MAPK9: variants seen among roughly 807,000 people sequenced by gnomAD.
MAPK9 encodes the protein mitogen-activated protein kinase 9, also known as Jun kinase.
Under a neutral mutation model 57.1 loss-of-function variants are expected in MAPK9, and 30 were observed. The observed-to-expected ratio is 0.53, with a 90% CI of 0.39 to 0.71. The LOEUF is 0.71. Among genes scored for constraint, MAPK9 ranks in the 30% least tolerant of loss-of-function variants. The pLI, the probability that MAPK9 is intolerant of heterozygous loss-of-function variation, is 0.00. For synonymous variants in MAPK9, 155 were observed against 177.0 expected (o/e 0.88, Z 0.99); for missense variants, 362 against 521.0 (o/e 0.69, Z 2.97).
intron 4 of MAPK9, among the ~76,000 whole-genome samples, chr5:180,263,793 C>T (rs1760240895): frequency 6.6e-6 from 1 of 151,332 alleles, no homozygotes; most frequent in Non-Finnish European, 1.5e-5. Flanking sequence ...GCAAGCTCCA[C>T]CTCCCGGGTT....
chr5:180,239,573 C>T (rs1757480758), intron 10 of MAPK9, among the ~76,000 whole-genome samples: 2 of 152,250 alleles, frequency 1.3e-5, no homozygotes, highest in Non-Finnish European at 2.9e-5. Context: ...TCTGCAATTT[C>T]CCCCAAACTA....
At chr5:180,236,563 C>T in intron 11 of MAPK9, 37 bp from the exon 12 acceptor site, 2 of 1,597,180 alleles carry the variant, frequency 1.3e-6, no homozygotes, top group Non-Finnish European at 1.7e-6. Flanking sequence ...AAATCTGAGG[C>T]ACGACATTGC....
At chr5:180,276,273 C>T (rs957974036) in intron 2 of MAPK9, among the ~76,000 whole-genome samples, 2 of 152,178 alleles carry the variant, frequency 1.3e-5, no homozygotes, top group African/African-American at 4.8e-5. Context: ...AAAAGGAACA[C>T]GCTATACCAA....
chr5:180,282,106 A>G (rs1193746403), intron 1 of MAPK9, among the ~76,000 whole-genome samples: 2 of 152,166 alleles, frequency 1.3e-5, no homozygotes, highest in East Asian at 3.8e-4. Context: ...TGCTCATGGC[A>G]TCTCATACTC....
chr5:180,281,679 A>G (rs1417541713), intron 1 of MAPK9, among the ~76,000 whole-genome samples: 1 of 152,224 alleles, frequency 6.6e-6, no homozygotes, highest in Non-Finnish European at 1.5e-5. Context: ...TTATATTTCA[A>G]CACAAATGCT....
In MAPK9 at chr5:180,247,313, C is replaced by T. The variant is rs1758208969; in HGVS notation, c.688+126G>A. ...ACTAATTAACAAATACAGTAAAGCC[C>T]CCCTTAGAACACAGTCTGGAGTGGA... On this transcript the variant is annotated intron_variant, in intron 7 of 11. Coordinates refer to ENST00000452135, the MANE Select transcript of MAPK9 (RefSeq NM_002752.5). The surrounding 1 kb of genome is among the most constrained non-coding windows in gnomAD (Gnocchi z 4.5). 1 of 977,342 alleles carries T rather than the reference C, an allele frequency of 1.0e-6. No individual in the cohort carries two copies. 60.5% of individuals were successfully genotyped at this position (977,342 alleles called of 1,614,324 possible).
At chr5:180,269,153 A>G (rs1280801031) in intron 3 of MAPK9, 127 bp downstream of exon 3, 4 of 1,043,140 alleles carry the variant, frequency 3.8e-6, no homozygotes, top group Non-Finnish European at 5.6e-6. Context: ...CAAAAAACCA[A>G]TGTTAATAGC....
chr5:180,236,187 T>C lies in MAPK9; in HGVS notation c.*197A>G. 2.1e-6 allele frequency: 1 copy of C among 481,120 alleles called. No homozygotes were observed. The highest frequency in any genetic ancestry group is 3.4e-6 in the Non-Finnish European group (1 of 293,076). The allele number at this position is 481,120 out of a possible 1,614,324, so 29.8% of individuals were successfully genotyped here. A position where few individuals can be genotyped will look rare whatever the true frequency, so the allele number is the denominator to read the frequency against. On this transcript the variant is annotated 3_prime_UTR_variant, in exon 12 of 12. Coordinates refer to ENST00000452135, the MANE Select transcript of MAPK9 (RefSeq NM_002752.5). ...AAATCTCTAGAAGTGTGGCTTGCAA[T>C]TTTTTTCTTCAGACATATTCTGCCT...
At chr5:180,279,563 C>T (rs913041865) in intron 2 of MAPK9, among the ~76,000 whole-genome samples, 1 of 152,162 alleles carries the variant, frequency 6.6e-6, no homozygotes, top group Non-Finnish European at 1.5e-5. Flanking sequence ...AACTACCCTA[C>T]TAGAGCATCG....
At position 180,275,890 on chromosome 5, in the gene MAPK9, C is replaced by G. The variant is rs546810768; in HGVS notation, c.122+4550G>C. On this transcript the variant is annotated intron_variant, in intron 2 of 11. Transcript: ENST00000452135. ...GCTGTTTTATCTGTATCACAAGATT[C>G]AAGCTACTTTCTATATTTCATAAAT... Among the ~76,000 whole-genome samples, 23 of 152,338 alleles carry G rather than the reference C, an allele frequency of 1.5e-4. No individual in the cohort carries two copies. The East Asian group carries it at 4.2e-3, about 28-fold the overall frequency.
At chr5:180,276,837 G>A (rs1761867593) in intron 2 of MAPK9, among the ~76,000 whole-genome samples, 1 of 152,194 alleles carries the variant, frequency 6.6e-6, no homozygotes, top group African/African-American at 2.4e-5. Flanking sequence ...TGGTGACAGA[G>A]CAAGACTCCG....
At chr5:180,259,511 CG>C (rs1561810402) in intron 5 of MAPK9, among the ~76,000 whole-genome samples, 1 of 103,626 alleles carries the variant, frequency 9.7e-6, no homozygotes, top group East Asian at 2.8e-4. Flanking sequence ...TATGTAAACA[CG>C]GAAGAACTCA....
At position 180,235,587 on chromosome 5, in the gene MAPK9, T is replaced by C. The variant is rs1225479730; in HGVS notation, c.*797A>G. The C allele has an allele frequency of 6.6e-6, 1 of 152,158 alleles. No homozygotes were observed. Among genetic ancestry groups the C allele is most frequent in the Non-Finnish European group, 1.5e-5 (1 of 68,028 alleles). 9.4% of individuals were successfully genotyped at this position (152,158 alleles called of 1,614,324 possible). ...GGTAGCATTTTAAATTCATAAGAAG[T>C]CTAGAAGACCAAGAAGAAAAGAGAT... On this transcript the variant is annotated 3_prime_UTR_variant, in exon 12 of 12. Coordinates refer to ENST00000452135, the MANE Select transcript of MAPK9 (RefSeq NM_002752.5).
rs910137505 is a variant in MAPK9 at position 180,235,661 on chromosome 5, C to T, written c.*723G>A. ...CACTAAGCAAAACTTAAAATTGTAT[C>T]GTGCAGTAAAGCTGAATGTACAATC... On this transcript the variant is annotated 3_prime_UTR_variant, in exon 12 of 12. Coordinates refer to ENST00000452135, the MANE Select transcript of MAPK9 (RefSeq NM_002752.5). 1 of 152,134 alleles carries T rather than the reference C, an allele frequency of 6.6e-6. No individual in the cohort carries two copies. The highest frequency in any genetic ancestry group is 2.4e-5 in the African/African-American group (1 of 41,432). 9.4% of individuals were successfully genotyped at this position (152,134 alleles called of 1,614,324 possible). A position where few individuals can be genotyped will look rare whatever the true frequency, so the allele number is the denominator to read the frequency against.
chr5:180,242,492 G>A, intron 8 of MAPK9, 81 bp downstream of exon 8: 1 of 1,353,786 alleles, frequency 7.4e-7, no homozygotes, highest in African/African-American at 1.5e-5. Flanking sequence ...CAAAACACAG[G>A]TTTTTAGAAT....
chr5:180,282,528 A>C (rs11249689), intron 1 of MAPK9, among the ~76,000 whole-genome samples: 78,132 of 152,122 alleles, frequency 0.51, 21,897 homozygotes, highest in African/African-American at 0.75. Context: ...GACGGCTTCA[A>C]GGAGGAGGCG....
chr5:180,286,918 A>C (rs79390532), intron 1 of MAPK9: 219 of 152,408 alleles, frequency 1.4e-3, no homozygotes, highest in African/African-American at 5.2e-3. Flanking sequence ...TAAATGGTTA[A>C]ACTAACTGCT....
At chr5:180,281,222 C>A (rs1042129641) in intron 1 of MAPK9, among the ~76,000 whole-genome samples, 6 of 152,122 alleles carry the variant, frequency 3.9e-5, no homozygotes, top group Admixed American at 2.0e-4. Flanking sequence ...TGGCACAGCC[C>A]CAGAGTCCCA....
intron 11 of MAPK9, 125 bp from the exon 12 acceptor site, chr5:180,236,651 T>A: frequency 9.9e-7 from 1 of 1,014,454 alleles, no homozygotes. Flanking sequence ...ACTATGAGTA[T>A]AGACAAGAAG....
Sources: gnomAD v4.1 joint callset for allele counts (sites outside exome capture counted in the v4.1 genomes callset) on GRCh38, gnomAD v4.1.1 for gene constraint, Gnocchi (gnomAD v3.1) non-coding constraint, MANE v1.5 for transcripts, NCBI Gene and HGNC (gene_info 2026-07-23, HGNC 2026-07-21) for gene names.